LMNTD1: variants seen among roughly 807,000 people sequenced by gnomAD.
LMNTD1 encodes the protein lamin tail domain containing 1.
In LMNTD1, 35 loss-of-function variants were observed where a neutral mutation model predicts 50.9. The ratio of observed to expected loss-of-function variants is 0.69; its 90% CI spans 0.53 to 0.91. The LOEUF (loss-of-function observed/expected upper bound fraction) is 0.91. LMNTD1 is among the 40% of genes least tolerant of loss of function. The pLI is 0.00. For synonymous variants in LMNTD1, 153 were observed against 161.9 expected, an observed-to-expected ratio of 0.94 and a Z score of 0.42; for missense variants, 470 against 475.5, an observed-to-expected ratio of 0.99 and a Z score of 0.11.
chr12:25,614,065 T>C (rs1024247794), intron 1 of LMNTD1, among the ~76,000 whole-genome samples: 1 of 151,302 alleles, frequency 6.6e-6, no homozygotes, highest in Non-Finnish European at 1.5e-5. Flanking sequence ...CAATTGCTGC[T>C]GGTGGGTAAA....
chr12:25,552,850 A>G (rs907441623), intron 2 of LMNTD1, 21 bp downstream of exon 2: 3 of 1,403,530 alleles, frequency 2.1e-6, no homozygotes, highest in Non-Finnish European at 2.0e-6. Context: ...CTCTGCTTCC[A>G]TCGCATCTAT....
At chr12:25,617,487 G>A (rs569439161) in intron 1 of LMNTD1, among the ~76,000 whole-genome samples, 1 of 152,256 alleles carries the variant, frequency 6.6e-6, no homozygotes, top group African/African-American at 2.4e-5. Flanking sequence ...CTTATCCGTG[G>A]TAATAGAGGG....
At chr12:25,562,601 C>T (rs1046608095) in intron 1 of LMNTD1, among the ~76,000 whole-genome samples, 15 of 152,190 alleles carry the variant, frequency 9.9e-5, no homozygotes, top group Non-Finnish European at 2.1e-4. Context: ...GTGAATCTGA[C>T]AATTATGTGT....
intron 8 of LMNTD1, among the ~76,000 whole-genome samples, chr12:25,513,453 T>G (rs1213631906): frequency 6.6e-6 from 1 of 152,182 alleles, no homozygotes; most frequent in East Asian, 1.9e-4. Context: ...CTGGCCAACA[T>G]GGCAAAGCCC....
chr12:25,542,414 C>CT (rs1478693192), intron 4 of LMNTD1, among the ~76,000 whole-genome samples: 1 of 150,464 alleles, frequency 6.6e-6, no homozygotes, highest in Non-Finnish European at 1.5e-5. Context: ...AGTTCATGTC[C>CT]TTTGTAGGGA....
At chr12:25,540,192 A>T (rs1942954428) in intron 4 of LMNTD1, among the ~76,000 whole-genome samples, 3 of 80,648 alleles carry the variant, frequency 3.7e-5, no homozygotes, top group Non-Finnish European at 7.6e-5. Flanking sequence ...TCCAATCAAT[A>T]GAAAAAGAGG....
intron 1 of LMNTD1, among the ~76,000 whole-genome samples, chr12:25,619,823 G>A (rs185359776): frequency 9.1e-4 from 139 of 152,308 alleles, no homozygotes; most frequent in African/African-American, 2.5e-3. Flanking sequence ...TAACTAATGC[G>A]AAATAATTCT....
chr12:25,496,299 G>T (rs1250806873), intron 9 of LMNTD1, among the ~76,000 whole-genome samples: 1 of 152,124 alleles, frequency 6.6e-6, no homozygotes, highest in Non-Finnish European at 1.5e-5. Context: ...ATCACAAATG[G>T]AGACAGCTGG....
intron 1 of LMNTD1, among the ~76,000 whole-genome samples, chr12:25,562,534 G>T (rs532711083): frequency 2.0e-5 from 3 of 152,264 alleles, no homozygotes; most frequent in East Asian, 3.9e-4. Context: ...TCCCTTTGTG[G>T]GTAACCTGAC....
At chr12:25,604,617 C>A (rs887976843) in intron 1 of LMNTD1, among the ~76,000 whole-genome samples, 2 of 151,768 alleles carry the variant, frequency 1.3e-5, no homozygotes, top group African/African-American at 2.4e-5. Flanking sequence ...TTTGTCCTTG[C>A]GATAGTTTGC....
At chr12:25,604,317 A>T (rs1294442866) in intron 1 of LMNTD1, among the ~76,000 whole-genome samples, 2 of 152,036 alleles carry the variant, frequency 1.3e-5, no homozygotes, top group Admixed American at 1.3e-4. Context: ...AAACATTTTA[A>T]AAATCATGGT....
At chr12:25,602,800 A>G (rs1040846491) in intron 1 of LMNTD1, among the ~76,000 whole-genome samples, 2 of 151,260 alleles carry the variant, frequency 1.3e-5, no homozygotes, top group African/African-American at 4.9e-5. Context: ...GAGGAGAGGG[A>G]AAAAAAAATC....
intron 7 of LMNTD1, among the ~76,000 whole-genome samples, chr12:25,519,417 T>G (rs1264747292): frequency 1.3e-5 from 2 of 150,524 alleles, no homozygotes; most frequent in Admixed American, 1.3e-4. Flanking sequence ...AAACCCCGTC[T>G]CTACTAAAAA....
intron 9 of LMNTD1, among the ~76,000 whole-genome samples, chr12:25,501,995 C>A (rs1417504305): frequency 6.6e-6 from 1 of 152,152 alleles, no homozygotes; most frequent in Non-Finnish European, 1.5e-5. Context: ...AGAAGTAAGG[C>A]ATCTTAGGAG....
chr12:25,587,328 C>T (rs1307132078), intron 1 of LMNTD1, among the ~76,000 whole-genome samples: 1 of 152,230 alleles, frequency 6.6e-6, no homozygotes, highest in African/African-American at 2.4e-5. Context: ...AATTGGCTCA[C>T]TGTTCTGCAA....
chr12:25,586,372 A>G (rs761134028), intron 1 of LMNTD1, among the ~76,000 whole-genome samples: 3 of 151,980 alleles, frequency 2.0e-5, no homozygotes, highest in Non-Finnish European at 4.4e-5. Flanking sequence ...ATTCTCACCA[A>G]CACTACCTTC....
At chr12:25,630,948 C>T (rs867889838) in intron 1 of LMNTD1, among the ~76,000 whole-genome samples, 2 of 152,184 alleles carry the variant, frequency 1.3e-5, no homozygotes, top group Admixed American at 1.3e-4. Context: ...GAAACAGACT[C>T]AGGGCTCTTA....
chr12:25,522,078 C>T (rs779152277), intron 6 of LMNTD1, among the ~76,000 whole-genome samples: 16 of 152,130 alleles, frequency 1.1e-4, no homozygotes, highest in Non-Finnish European at 2.1e-4. Flanking sequence ...CTCTGCTTGG[C>T]TTGACAAATA....
intron 1 of LMNTD1, among the ~76,000 whole-genome samples, chr12:25,561,307 G>C (rs1178694436): frequency 6.6e-6 from 1 of 152,150 alleles, no homozygotes; most frequent in Admixed American, 6.5e-5. Flanking sequence ...TCTACACACT[G>C]CTTTAAATGT....
Sources: allele counts gnomAD v4.1 joint callset (sites outside exome capture counted in the v4.1 genomes callset), GRCh38; gene constraint gnomAD v4.1.1; transcripts MANE v1.5; gene names NCBI Gene and HGNC (gene_info 2026-07-23, HGNC 2026-07-21).